The following ISYNA1 variants were observed in gnomAD, a reference collection of about 807,000 sequenced individuals.
ISYNA1 encodes the protein MI-1-P synthase.
ISYNA1 carries 34 observed loss-of-function variants against 50.3 expected under a neutral mutation model. The ratio of observed to expected loss-of-function variants is 0.68; its 90% CI spans 0.51 to 0.90. The LOEUF (loss-of-function observed/expected upper bound fraction) is 0.90, where lower values mean the gene tolerates loss of function less well. ISYNA1 is among the 40% of genes least tolerant of loss of function. ISYNA1 has a pLI of 0.00. For synonymous variants in ISYNA1, 396 were observed against 349.9 expected (o/e 1.13, Z -1.47); for missense variants, 718 against 784.8 (o/e 0.91, Z 1.02).
chr19:18,437,123 C>T lies in ISYNA1; in HGVS notation c.283-18G>A. 1 of 1,555,530 alleles carries T rather than the reference C, an allele frequency of 6.4e-7. No homozygotes were observed. The highest frequency in any genetic ancestry group is 8.7e-7 in the Non-Finnish European group (1 of 1,150,362). On this transcript the variant is annotated intron_variant, in intron 3 of 10. Transcript: ENST00000338128. ...TTGGCCTCCTGGGGGTCAGCAGACACGGCGAGGTGACGGGTGGGAGTGGTG... is the reference window on the plus strand; with the variant it reads ...TTGGCCTCCTGGGGGTCAGCAGACATGGCGAGGTGACGGGTGGGAGTGGTG...
chr19:18,435,233 G>A (rs1600388446), intron 10 of ISYNA1, 33 bp downstream of exon 10: 1 of 1,598,692 alleles, frequency 6.3e-7, no homozygotes. Flanking sequence ...GGGTATCTGG[G>A]CCCCGGGCGG....
At position 18,435,671 on chromosome 19, in the gene ISYNA1, G is replaced by T. The variant is rs770066301; in HGVS notation, c.1146C>A (p.Val382=). 5.0e-6 allele frequency: 8 copies of T among 1,611,840 alleles called. No individual in the cohort carries two copies. In the South Asian group the frequency reaches 8.8e-5, roughly 18 times the overall value. The change falls in exon 9 of 11, where the codon GTC becomes GTA. Residue 382 remains valine (V), a synonymous_variant. Coordinates refer to ENST00000338128, the MANE Select transcript of ISYNA1 (RefSeq NM_016368.5). ...TPGEEPDHCV[V]IKYVPYVGDS... The stretch of plus-strand genomic sequence containing the variant: ...CACCCACGTACGGCACATACTTGAT[G>T]ACCACCTGGAGTGCAGCAGGAGTTT...
chr19:18,436,103 C>A lies in ISYNA1; in HGVS notation c.904G>T (p.Asp302Tyr), dbSNP rs201176038. 1 of 1,613,062 alleles carries A rather than the reference C, an allele frequency of 6.2e-7. No individual in the cohort carries two copies. The highest frequency in any genetic ancestry group is 8.5e-7 in the Non-Finnish European group (1 of 1,179,926). Residue 302 changes from aspartate to tyrosine, a missense_variant, in exon 7 of 11, where the codon GAT (aspartate) becomes TAT (tyrosine). Physicochemically the swap from Asp to Tyr is radical, Grantham distance 160 (BLOSUM62 -3). This residue lies in a region of ISYNA1 where 403 missense variants were observed against 466.6 expected (regional missense o/e 0.86). Coordinates refer to ENST00000338128, the MANE Select transcript of ISYNA1 (RefSeq NM_016368.5). ...AWQHRVFVGG[D>Y]DFKSGQTKVK... ...TTGGTCTGGCCTGACTTGAAGTCATCTCCGCCCACAAAAACCCGGTGCTGC... is the reference window on the plus strand; with the variant it reads ...TTGGTCTGGCCTGACTTGAAGTCATATCCGCCCACAAAAACCCGGTGCTGC...
Position 18,435,452 on chromosome 19 carries a change from T to C in ISYNA1, c.1286A>G (p.Asp429Gly). The change falls in exon 10 of 11, where the codon GAC becomes GGC. Residue 429 changes from aspartate to glycine, a missense_variant. Physicochemically the swap from Asp to Gly is moderately conservative, Grantham distance 94. Transcript: ENST00000338128. ...GCACAGCTCGGTCAGCAGCGCTAGG[T>C]CCAGCATGATGGGTGCGGCCAGCAG... ...DSLLAAPIML[D>G]LALLTELCQR... 6.2e-7 allele frequency: 1 copy of C among 1,609,486 alleles called. No homozygotes were observed. Among genetic ancestry groups the C allele is most frequent in the South Asian group, 1.1e-5 (1 of 91,068 alleles).
In ISYNA1 at chr19:18,437,775, C is replaced by T. The variant is rs773363992; in HGVS notation, c.121-15G>A. ...GTGGGGTGCACCTGAAGACAGGCCG[C>T]GCAGTGAATCCCGGGTCCCGTGCCC... On this transcript the variant is annotated splice_polypyrimidine_tract_variant and intron_variant, in intron 2 of 10. Coordinates refer to ENST00000338128, the MANE Select transcript of ISYNA1 (RefSeq NM_016368.5). 2 of 1,591,980 alleles carry T rather than the reference C, an allele frequency of 1.3e-6. No individual in the cohort carries two copies. The highest frequency in any genetic ancestry group is 8.5e-7 in the Non-Finnish European group (1 of 1,171,676).
Position 18,435,568 on chromosome 19 carries a change from A to T in ISYNA1, c.1249T>A (p.Cys417Ser). 1 of 1,606,494 alleles carries T rather than the reference A, an allele frequency of 6.2e-7. No homozygotes were observed. Among genetic ancestry groups the T allele is most frequent in the Non-Finnish European group, 8.5e-7 (1 of 1,176,804 alleles). ...GTNTLVLHNT[C>S]EDSLLAAPIM... The stretch of plus-strand genomic sequence containing the variant: ...CCCCTGAAGCCGCGCCGCACCTCAC[A>T]CGTGTTGTGCAGCACCAGTGTGTTG... Residue 417 changes from cysteine to serine, a missense_variant, in exon 9 of 11, where the codon TGT (cysteine) becomes AGT (serine). By Grantham distance (112) the Cys-to-Ser change is moderately radical. Around this residue, in one of 3 missense-constraint regions of ISYNA1, gnomAD observed 305 missense variants for 292.6 expected, o/e 1.04. Transcript: ENST00000338128.
chr19:18,435,730 C>G, intron 8 of ISYNA1, 27 bp downstream of exon 8: 1 of 1,607,364 alleles, frequency 6.2e-7, no homozygotes. Context: ...CCGGGCAACC[C>G]CGCGCCCGCG....
Position 18,436,525 on chromosome 19 carries a change from G to A in ISYNA1, c.610-46C>T, listed in dbSNP as rs201029736. On this transcript the variant is annotated intron_variant, in intron 5 of 10. Transcript: ENST00000338128. ...GTGTGGGGAGGATGGAGAGGGTGTAGGGAAGTTGGTTGTACATACTCTCGG... is the reference window on the plus strand; with the variant it reads ...GTGTGGGGAGGATGGAGAGGGTGTAAGGAAGTTGGTTGTACATACTCTCGG... 3.7e-5 allele frequency: 59 copies of A among 1,601,218 alleles called. No individual in the cohort carries two copies. The Admixed American group carries it at 4.7e-4, about 13-fold the overall frequency.
chr19:18,436,355 G>A lies in ISYNA1; in HGVS notation c.734C>T (p.Ala245Val). 1 of 1,612,516 alleles carries A rather than the reference G, an allele frequency of 6.2e-7. No homozygotes were observed. Among genetic ancestry groups the A allele is most frequent in the Non-Finnish European group, 8.5e-7 (1 of 1,179,926 alleles). Residue 245 changes from alanine (A) to valine (V), a missense_variant, in exon 6 of 11, where the codon GCC becomes GTC. Physicochemically the swap from Ala to Val is moderately conservative, Grantham distance 64 (BLOSUM62 0). Around this residue, in one of 3 missense-constraint regions of ISYNA1, gnomAD observed 403 missense variants for 466.6 expected, o/e 0.86. Coordinates refer to ENST00000338128, the MANE Select transcript of ISYNA1 (RefSeq NM_016368.5). The stretch of plus-strand genomic sequence containing the variant: ...CTCAATGGTGCGCAGCAGGTTCTCG[G>A]CTGTGTCGTTGAGGCCTGGAATCAC... ...CEVIPGLNDT[A>V]ENLLRTIELG... is the part of the protein sequence containing the mutation.
At position 18,434,999 on chromosome 19, in the gene ISYNA1, T is replaced by C; in HGVS notation, c.1591A>G (p.Lys531Glu). Residue 531 changes from lysine (K) to glutamate (E), a missense_variant, in exon 11 of 11, where the codon AAA (lysine) becomes GAA (glutamate). Lys to Glu is a moderately conservative substitution (Grantham distance 56, BLOSUM62 1). Coordinates refer to ENST00000338128, the MANE Select transcript of ISYNA1 (RefSeq NM_016368.5). The stretch of plus-strand genomic sequence containing the variant: ...TTGGTGGCAGCGGGTACCGGTCCTT[T>C]CTTGTTCAACATAGGGTAGGTGGCA... ...VAATYPMLNK[K>E]GPVPAATNGC... 3 of 1,613,482 alleles carry C rather than the reference T, an allele frequency of 1.9e-6. No homozygotes were observed. The highest frequency in any genetic ancestry group is 8.5e-7 in the Non-Finnish European group (1 of 1,179,976).
chr19:18,435,623 C>G lies in ISYNA1; in HGVS notation c.1194G>C (p.Glu398Asp), dbSNP rs1022172063. ...YVGDSKRALD[E>D]YTSELMLGGT... ...CGCCCAGCATCAGCTCCGAGGTATACTCATCCAGCGCGCGCTTGCTGTCAC... is the reference window on the plus strand; with the variant it reads ...CGCCCAGCATCAGCTCCGAGGTATAGTCATCCAGCGCGCGCTTGCTGTCAC... The change falls in exon 9 of 11, where the codon GAG (glutamate) becomes GAC (aspartate). Residue 398 changes from glutamate to aspartate, a missense_variant. Transcript: ENST00000338128. 1 of 1,611,546 alleles carries G rather than the reference C, an allele frequency of 6.2e-7. No individual in the cohort carries two copies. The highest frequency in any genetic ancestry group is 2.2e-5 in the East Asian group (1 of 44,758).
At position 18,437,994 on chromosome 19, in the gene ISYNA1, G is replaced by A; in HGVS notation, c.-9-6C>T. 1 of 1,554,802 alleles carries A rather than the reference G, an allele frequency of 6.4e-7. No individual in the cohort carries two copies. Among genetic ancestry groups the A allele is most frequent in the Non-Finnish European group, 8.7e-7 (1 of 1,152,460 alleles). On this transcript the variant is annotated splice_polypyrimidine_tract_variant and splice_region_variant and intron_variant, in intron 1 of 10. Transcript: ENST00000338128. ...GCGGCCTCCATCGCGGCGGGCTGGG[G>A]GCCCGGGGTGAGCAGGGGGTCAGCG...
chr19:18,436,631 C>T (rs1568366358), intron 5 of ISYNA1, 53 bp downstream of exon 5: 1 of 1,593,188 alleles, frequency 6.3e-7, no homozygotes, highest in Non-Finnish European at 8.5e-7. Context: ...AAGAGGGAAC[C>T]AAGTGGCGAA....
chr19:18,437,590 C>A lies in ISYNA1; in HGVS notation c.282+9G>T. On this transcript the variant is annotated intron_variant, in intron 3 of 10. Coordinates refer to ENST00000338128, the MANE Select transcript of ISYNA1 (RefSeq NM_016368.5). ...GCCTCCCTACCCACCACGCCCCTCCCGCCCCCACCTTGCGGCCGCTGCGCG... is the reference window on the plus strand; with the variant it reads ...GCCTCCCTACCCACCACGCCCCTCCAGCCCCCACCTTGCGGCCGCTGCGCG... The A allele has an allele frequency of 6.8e-7, 1 of 1,462,870 alleles. No individual in the cohort carries two copies. The highest frequency in any genetic ancestry group is 2.3e-5 in the Admixed American group (1 of 42,922). 90.6% of individuals were successfully genotyped at this position (1,462,870 alleles called of 1,614,324 possible).
At chr19:18,436,951 C>A in intron 4 of ISYNA1, 22 bp downstream of exon 4, 1 of 1,606,774 alleles carries the variant, frequency 6.2e-7, no homozygotes, top group Non-Finnish European at 8.5e-7. Flanking sequence ...CCCGCCCCAC[C>A]CCGGCCCAGG....
Position 18,435,583 on chromosome 19 carries a change from C to G in ISYNA1, c.1234G>C (p.Val412Leu), listed in dbSNP as rs1268882650. Reference sequence around the variant, plus strand: ...CGCACCTCACACGTGTTGTGCAGCACCAGTGTGTTGGTTCCGCCCAGCATC... The same window carrying G: ...CGCACCTCACACGTGTTGTGCAGCAGCAGTGTGTTGGTTCCGCCCAGCATC... Reference protein sequence around the residue: ...ELMLGGTNTLVLHNTCEDSLL... With the variant: ...ELMLGGTNTLLLHNTCEDSLL... The change falls in exon 9 of 11, where the codon GTG (valine) becomes CTG (leucine). Residue 412 changes from valine to leucine, a missense_variant. By Grantham distance (32) the Val-to-Leu change is conservative (BLOSUM62 1). This residue lies in a region of ISYNA1 where 305 missense variants were observed against 292.6 expected (regional missense o/e 1.04). Transcript: ENST00000338128. The G allele has an allele frequency of 2.5e-6, 4 of 1,608,794 alleles. No homozygotes were observed. Among genetic ancestry groups the G allele is most frequent in the Non-Finnish European group, 3.4e-6 (4 of 1,177,978 alleles).
Position 18,434,589 on chromosome 19 carries a change from T to A in ISYNA1, c.*324A>T. The A allele has an allele frequency of 1.9e-6, 1 of 519,908 alleles. No individual in the cohort carries two copies. The highest frequency in any genetic ancestry group is 3.4e-6 in the Non-Finnish European group (1 of 294,576). The allele number at this position is 519,908 out of a possible 1,614,324, so 32.2% of individuals were successfully genotyped here. ...CTTGTCTCAGATTCCCTCTTTGGCC[T>A]TCTGCCACCACACTCTCCACCCTGT... On this transcript the variant is annotated 3_prime_UTR_variant, in exon 11 of 11. Coordinates refer to ENST00000338128, the MANE Select transcript of ISYNA1 (RefSeq NM_016368.5).
Position 18,437,948 on chromosome 19 carries a change from C to A in ISYNA1, c.32G>T (p.Ser11Ile). 1 of 1,603,056 alleles carries A rather than the reference C, an allele frequency of 6.2e-7. No homozygotes were observed. Among genetic ancestry groups the A allele is most frequent in the Non-Finnish European group, 8.5e-7 (1 of 1,176,094 alleles). Residue 11 changes from serine (S) to isoleucine (I), a missense_variant, in exon 2 of 11, where the codon AGC (serine) becomes ATC (isoleucine). This residue lies in a region of ISYNA1 where 403 missense variants were observed against 466.6 expected (regional missense o/e 0.86). Coordinates refer to ENST00000338128, the MANE Select transcript of ISYNA1 (RefSeq NM_016368.5). MEAAAQFFVE[S>I]PDVVYGPEAI... ...CTCGGGGCCGTAGACCACGTCCGGG[C>A]TCTCGACGAAGAACTGGGCGGCGGC... is the stretch of plus-strand genomic sequence containing the variant.
chr19:18,437,241 G>A (rs535629613), intron 3 of ISYNA1, 136 bp from the exon 4 acceptor site: 2 of 1,440,802 alleles, frequency 1.4e-6, no homozygotes, highest in African/African-American at 1.4e-5. Context: ...AGCCAGGACG[G>A]AAGCCGCTGC....
Sources: gnomAD v4.1 joint callset for allele counts on GRCh38, gnomAD v4.1.1 for gene constraint, gnomAD v4.1.1 regional missense constraint, MANE v1.5 for transcripts, NCBI Gene and HGNC (gene_info 2026-07-23, HGNC 2026-07-21) for gene names.